Variants in UGT1A7 observed in about 807,000 individuals in gnomAD.
The protein encoded by UGT1A7 is UDP glucuronosyltransferase family 1 member A7, also known as UDP-glucuronosyltransferase 1A7.
A neutral mutation model predicts 45.6 loss-of-function variants in UGT1A7; 33 were observed. That is an observed-to-expected ratio of 0.72 (90% CI 0.55 to 0.97). The LOEUF (loss-of-function observed/expected upper bound fraction) is 0.97, where lower values mean the gene tolerates loss of function less well. Ranked by LOEUF, UGT1A7 falls within the 50% of genes least tolerant of loss-of-function variation. The probability of loss-of-function intolerance (pLI) is 0.00; values close to 1 mark genes in which losing one functional copy is unlikely to be tolerated. For synonymous variants in UGT1A7, 274 were observed against 250.6 expected (o/e 1.09, Z -0.88); for missense variants, 684 against 666.2 (o/e 1.03, Z -0.29).
intron 1 of UGT1A7, among the ~76,000 whole-genome samples, chr2:233,702,494 C>T (rs374252732): frequency 3.1e-4 from 47 of 152,116 alleles, no homozygotes; most frequent in Non-Finnish European, 5.1e-4. Context: ...CCTCTAGTAC[C>T]GTGTTGAATA....
intron 1 of UGT1A7, among the ~76,000 whole-genome samples, chr2:233,704,481 T>A (rs555763956): frequency 1.3e-5 from 2 of 152,310 alleles, no homozygotes; most frequent in African/African-American, 2.4e-5. Flanking sequence ...CTCCCCTTTT[T>A]ATGATATTAT....
chr2:233,758,139 G>T (rs553073565), intron 1 of UGT1A7, among the ~76,000 whole-genome samples: 1 of 152,336 alleles, frequency 6.6e-6, no homozygotes, highest in East Asian at 1.9e-4. Flanking sequence ...TGGCAGATGA[G>T]GGAATTAGCA....
In UGT1A7 at chr2:233,682,144, A is replaced by G; in HGVS notation, c.207A>G (p.Ser69=). The change falls in exon 1 of 5, where the codon TCA becomes TCG. Residue 69 remains serine (S), a synonymous_variant. Transcript: ENST00000373426. The part of the protein sequence containing the change: ...MPEVSWQLGR[S]LNCTVKTYST... Reference sequence around the variant, plus strand: ...AGGTGAGTTGGCAACTGGGAAGATCACTGAATTGCACAGTGAAGACTTACT... The same window carrying G: ...AGGTGAGTTGGCAACTGGGAAGATCGCTGAATTGCACAGTGAAGACTTACT... 6.2e-7 allele frequency: 1 copy of G among 1,614,192 alleles called. No homozygotes were observed. Among genetic ancestry groups the G allele is most frequent in the Non-Finnish European group, 8.5e-7 (1 of 1,180,018 alleles).
chr2:233,755,141 C>A lies in UGT1A7; in HGVS notation c.856-11893C>A. On this transcript the variant is annotated intron_variant, in intron 1 of 4. Coordinates refer to ENST00000373426, the MANE Select transcript of UGT1A7 (RefSeq NM_019077.3). ...CCTCAGCCACCTGCTTGAATCTTCT[C>A]ACCGCTTCCTCCCTGTCCTCGGGGT... 4 of 1,309,666 alleles carry A rather than the reference C, an allele frequency of 3.1e-6. No homozygotes were observed. In the South Asian group the frequency reaches 4.6e-5, roughly 15 times the overall value. 81.1% of individuals were successfully genotyped at this position (1,309,666 alleles called of 1,614,324 possible). A position where few individuals can be genotyped will look rare whatever the true frequency, so the allele number is the denominator to read the frequency against.
In UGT1A7 at chr2:233,768,328, T is replaced by C. The variant is rs755527328; in HGVS notation, c.1184T>C (p.Met395Thr). The C allele has an allele frequency of 1.9e-6, 3 of 1,614,176 alleles. No homozygotes were observed. The highest frequency in any genetic ancestry group is 2.5e-6 in the Non-Finnish European group (3 of 1,180,040). ...ATGATGCCCTTGTTTGGTGATCAGATGGACAATGCAAAGCGCATGGAGACT... is the reference window on the plus strand; with the variant it reads ...ATGATGCCCTTGTTTGGTGATCAGACGGACAATGCAAAGCGCATGGAGACT... ...MVMMPLFGDQMDNAKRMETKG... is the reference protein window; with the variant it reads ...MVMMPLFGDQTDNAKRMETKG... The change falls in exon 4 of 5, where the codon ATG becomes ACG. Residue 395 changes from methionine (M) to threonine (T), a missense_variant. By Grantham distance (81) the Met-to-Thr change is moderately conservative. Transcript: ENST00000373426.
intron 1 of UGT1A7, chr2:233,756,139 A>G (rs548564023): frequency 6.6e-6 from 1 of 152,240 alleles, no homozygotes; most frequent in Non-Finnish European, 1.5e-5. Flanking sequence ...CTGAAAAATT[A>G]CTGGGGATCC....
intron 1 of UGT1A7, among the ~76,000 whole-genome samples, chr2:233,746,438 T>C (rs1187941624): frequency 1.3e-5 from 2 of 151,694 alleles, no homozygotes; most frequent in African/African-American, 4.9e-5. Context: ...TGTCTTCAGC[T>C]TAAAAAGAAA....
chr2:233,691,773 A>C, intron 1 of UGT1A7: 3 of 342,282 alleles, frequency 8.8e-6, no homozygotes, highest in Non-Finnish European at 1.2e-5. Context: ...TAGGATTCTC[A>C]CCACGTACTG....
chr2:233,738,895 GCAGA>G (rs1690931559), intron 1 of UGT1A7: 1 of 152,264 alleles, frequency 6.6e-6, no homozygotes, highest in Admixed American at 6.5e-5. Context: ...GACCTTTGCA[GCAGA>G]CCCTCCCATC....
chr2:233,687,516 A>G (rs1431513640), intron 1 of UGT1A7, among the ~76,000 whole-genome samples: 2 of 144,632 alleles, frequency 1.4e-5, no homozygotes, highest in Non-Finnish European at 3.0e-5. Context: ...AGAGGGGTTG[A>G]GTGACTTGCC....
At position 233,746,718 on chromosome 2, in the gene UGT1A7, T is replaced by A. The variant is rs1161016418; in HGVS notation, c.856-20316T>A. The stretch of plus-strand genomic sequence containing the variant: ...ATAAATATTTGGTGGATAAGGGAAT[T>A]AGCAATGGATTCTGCTTTGGTTCCA... On this transcript the variant is annotated intron_variant, in intron 1 of 4. Transcript: ENST00000373426. Among the ~76,000 whole-genome samples, 3 of 151,822 alleles carry A rather than the reference T, an allele frequency of 2.0e-5. 1 individual carries two copies. Among genetic ancestry groups the A allele is most frequent in the African/African-American group, 7.3e-5 (3 of 41,076 alleles).
intron 1 of UGT1A7, among the ~76,000 whole-genome samples, chr2:233,731,421 G>C (rs1039281599): frequency 6.6e-6 from 1 of 151,738 alleles, no homozygotes; most frequent in Non-Finnish European, 1.5e-5. Context: ...TTTTCCTAAT[G>C]CCATCCCTCC....
chr2:233,731,634 A>G (rs547560003), intron 1 of UGT1A7, among the ~76,000 whole-genome samples: 6 of 152,300 alleles, frequency 3.9e-5, no homozygotes, highest in African/African-American at 9.6e-5. Flanking sequence ...TTATGGCTGC[A>G]TAGTATTCCA....
intron 1 of UGT1A7, among the ~76,000 whole-genome samples, chr2:233,706,039 G>A (rs2075885693): frequency 6.6e-6 from 1 of 152,158 alleles, no homozygotes; most frequent in South Asian, 2.1e-4. Flanking sequence ...AGGTTGCAGT[G>A]AGCCGAGATC....
chr2:233,755,145 G>C, intron 1 of UGT1A7: 1 of 1,302,778 alleles, frequency 7.7e-7, no homozygotes, highest in Non-Finnish European at 1.0e-6. Context: ...TCTTCTCACC[G>C]CTTCCTCCCT....
chr2:233,747,935 G>A lies in UGT1A7; in HGVS notation c.856-19099G>A, dbSNP rs926713638. On this transcript the variant is annotated intron_variant, in intron 1 of 4. Transcript: ENST00000373426. The stretch of plus-strand genomic sequence containing the variant: ...GCCTTGCCTCTGAGCTTTTTCAGAG[G>A]GAGGTGTCAGTGGTGGATCTTCTCA... 5.5e-5 allele frequency: 89 copies of A among 1,613,314 alleles called. No individual in the cohort carries two copies. In the Admixed American group the frequency reaches 6.2e-4, roughly 11 times the overall value.
At chr2:233,747,818 A>C in intron 1 of UGT1A7, 1 of 1,613,506 alleles carries the variant, frequency 6.2e-7, no homozygotes, top group Non-Finnish European at 8.5e-7. Flanking sequence ...CGACCAATTC[A>C]GACCACATGA....
intron 1 of UGT1A7, chr2:233,747,252 C>T (rs766084078): frequency 6.9e-6 from 11 of 1,600,814 alleles, no homozygotes; most frequent in Non-Finnish European, 9.4e-6. Context: ...TGTGGCTGGC[C>T]ACAGGAGTGC....
chr2:233,716,337 C>T (rs17868335), intron 1 of UGT1A7, among the ~76,000 whole-genome samples: 4 of 152,208 alleles, frequency 2.6e-5, no homozygotes, highest in African/African-American at 4.8e-5. Flanking sequence ...CCCAGGTTTG[C>T]GCAACTACAA....
Sources: gnomAD v4.1 joint callset for allele counts (sites outside exome capture counted in the v4.1 genomes callset) on GRCh38, gnomAD v4.1.1 for gene constraint, MANE v1.5 for transcripts, NCBI Gene and HGNC (gene_info 2026-07-23, HGNC 2026-07-21) for gene names.